The following IQSEC1 variants were observed in gnomAD, a reference collection of about 807,000 sequenced individuals.
IQSEC1 encodes the protein IQ motif and SEC7 domain-containing protein 1.
A neutral mutation model predicts 91.0 loss-of-function variants in IQSEC1; 31 were observed. The observed-to-expected ratio is 0.34, with a 90% CI of 0.26 to 0.46. IQSEC1 has a LOEUF of 0.46. Ranked by LOEUF, IQSEC1 falls within the 20% of genes least tolerant of loss-of-function variation. The pLI, the probability that IQSEC1 is intolerant of heterozygous loss-of-function variation, is 1.00. For synonymous variants in IQSEC1, 699 were observed against 662.6 expected (o/e 1.05, Z -0.84); for missense variants, 1,388 against 1,575.6 (o/e 0.88, Z 2.02).
At chr3:13,204,762 CTTCT>C (rs763046952) in intron 1 of IQSEC1, among the ~76,000 whole-genome samples, 7 of 151,186 alleles carry the variant, frequency 4.6e-5, no homozygotes, top group Non-Finnish European at 7.4e-5. Flanking sequence ...TCCTTCCTTC[CTTCT>C]TTCTTTTTCT....
At chr3:13,266,392 C>G (rs1559289702) in intron 1 of IQSEC1, among the ~76,000 whole-genome samples, 1 of 152,136 alleles carries the variant, frequency 6.6e-6, no homozygotes, top group Non-Finnish European at 1.5e-5. Context: ...TCTAACTAGC[C>G]CAAACGCCAG....
chr3:12,956,831 G>C (rs1040769837), intron 1 of IQSEC1, among the ~76,000 whole-genome samples: 2 of 152,190 alleles, frequency 1.3e-5, no homozygotes, highest in Admixed American at 1.3e-4. Context: ...CCCCAGGCAA[G>C]TGCCCTCCAC....
rs1695815436 is a variant in IQSEC1, at chr3:13,282,574, C to T, written c.272+137G>A. On this transcript the variant is annotated intron_variant, in intron 1 of 15. Transcript: ENST00000648114. The surrounding 1 kb of genome is among the most constrained non-coding windows in gnomAD (Gnocchi z 6.4). Reference sequence around the variant, plus strand: ...TCCCAGGGAGCCCCTGGGGGTCTGGCGGCGGGTGTGGGCGCTCCCGGGCCG... The same window carrying T: ...TCCCAGGGAGCCCCTGGGGGTCTGGTGGCGGGTGTGGGCGCTCCCGGGCCG... Among the ~76,000 whole-genome samples, 3 of 151,762 alleles carry T rather than the reference C, an allele frequency of 2.0e-5. No individual in the cohort carries two copies. The highest frequency in any genetic ancestry group is 4.1e-4 in the South Asian group (2 of 4,824).
intron 1 of IQSEC1, among the ~76,000 whole-genome samples, chr3:13,261,350 C>G (rs567991787): frequency 2.6e-5 from 4 of 152,308 alleles, no homozygotes; most frequent in Non-Finnish European, 4.4e-5. Context: ...CAGAGCCTTC[C>G]CAGCTCCAGA....
intron 3 of IQSEC1, among the ~76,000 whole-genome samples, chr3:12,932,914 A>G (rs1204806429): frequency 6.6e-6 from 1 of 152,104 alleles, no homozygotes; most frequent in African/African-American, 2.4e-5. Flanking sequence ...AGCCCCCGGG[A>G]TGCCCTCCCC....
chr3:13,012,094 C>A (rs1441529802), intron 1 of IQSEC1, among the ~76,000 whole-genome samples: 1 of 152,212 alleles, frequency 6.6e-6, no homozygotes, highest in Non-Finnish European at 1.5e-5. Context: ...TAGGTGTACA[C>A]TAAGTGCTCA....
intron 1 of IQSEC1, among the ~76,000 whole-genome samples, chr3:13,033,312 C>T (rs1198152379): frequency 6.6e-6 from 1 of 152,150 alleles, no homozygotes; most frequent in Admixed American, 6.5e-5. Flanking sequence ...CAGAGGCTTC[C>T]GTAACAAAAC....
chr3:12,969,539 G>T (rs1700794384), intron 1 of IQSEC1, among the ~76,000 whole-genome samples: 1 of 152,204 alleles, frequency 6.6e-6, no homozygotes. Context: ...GCTGGGAGAG[G>T]ATAGGGTACA....
intron 1 of IQSEC1, among the ~76,000 whole-genome samples, chr3:13,024,583 C>T (rs1054484924): frequency 1.3e-5 from 2 of 151,108 alleles, no homozygotes; most frequent in African/African-American, 4.9e-5. Context: ...CATCCATCCA[C>T]CCATCCACCC....
chr3:12,971,859 T>C (rs1700915096), intron 1 of IQSEC1, among the ~76,000 whole-genome samples: 1 of 152,032 alleles, frequency 6.6e-6, no homozygotes, highest in Non-Finnish European at 1.5e-5. Context: ...CCATCTCTAC[T>C]AAAAATACAA....
chr3:13,133,227 C>T lies in IQSEC1; in HGVS notation c.302+30877G>A, dbSNP rs534877021. On this transcript the variant is annotated intron_variant, in intron 2 of 15. Coordinates refer to the IQSEC1 transcript ENST00000648114. ...AAGTGGAAGCAGGAGGACCCTAACTCGTGTTGGTGTAGAATGTCTCCAGCA... is the reference window on the plus strand; with the variant it reads ...AAGTGGAAGCAGGAGGACCCTAACTTGTGTTGGTGTAGAATGTCTCCAGCA... Among the ~76,000 whole-genome samples, 10 of 152,310 alleles carry T rather than the reference C, an allele frequency of 6.6e-5. No homozygotes were observed. In the East Asian group the frequency reaches 1.5e-3, roughly 24 times the overall value.
chr3:13,061,669 G>A (rs1705072492), intron 1 of IQSEC1, among the ~76,000 whole-genome samples: 1 of 152,164 alleles, frequency 6.6e-6, no homozygotes, highest in South Asian at 2.1e-4. Context: ...CCTAAGCCAG[G>A]GATCTGGCTG....
chr3:13,099,338 A>G (rs1706019042), intron 2 of IQSEC1, among the ~76,000 whole-genome samples: 1 of 152,214 alleles, frequency 6.6e-6, no homozygotes, highest in South Asian at 2.1e-4. Flanking sequence ...GGTGTGCAGG[A>G]TTGCATTTTA....
chr3:12,897,984 C>T lies in IQSEC1; in HGVS notation c.*2999G>A, dbSNP rs1425166933. Reference sequence around the variant, plus strand: ...TTGTTGTCCCAGAAAAGACTTTTGTCACATTGCCAGCTGTTTCCCTCAGCG... The same window carrying T: ...TTGTTGTCCCAGAAAAGACTTTTGTTACATTGCCAGCTGTTTCCCTCAGCG... On this transcript the variant is annotated 3_prime_UTR_variant, in exon 14 of 14. Coordinates refer to ENST00000613206, the MANE Select transcript of IQSEC1 (RefSeq NM_001134382.3). 1 of 152,264 alleles carries T rather than the reference C, an allele frequency of 6.6e-6. No individual in the cohort carries two copies. The highest frequency in any genetic ancestry group is 1.5e-5 in the Non-Finnish European group (1 of 68,048). 9.4% of individuals were successfully genotyped at this position (152,264 alleles called of 1,614,324 possible). A position where few individuals can be genotyped will look rare whatever the true frequency, so the allele number is the denominator to read the frequency against.
intron 1 of IQSEC1, among the ~76,000 whole-genome samples, chr3:13,045,035 G>A (rs1211111017): frequency 1.3e-5 from 2 of 152,254 alleles, no homozygotes; most frequent in Non-Finnish European, 2.9e-5. Flanking sequence ...AGGCTGCTGT[G>A]AGGGTTGGGA....
chr3:13,206,656 A>C (rs1470907939), intron 1 of IQSEC1, among the ~76,000 whole-genome samples: 1 of 152,218 alleles, frequency 6.6e-6, no homozygotes, highest in Non-Finnish European at 1.5e-5. Flanking sequence ...ATAACAAAGC[A>C]AACCAGAACA....
chr3:13,090,917 T>C (rs1160594810), intron 2 of IQSEC1, among the ~76,000 whole-genome samples: 3 of 152,314 alleles, frequency 2.0e-5, no homozygotes, highest in African/African-American at 7.2e-5. Context: ...CCAAAAGCCC[T>C]GTGCGGAATT....
intron 1 of IQSEC1, among the ~76,000 whole-genome samples, chr3:13,234,819 A>G (rs572218158): frequency 3.3e-5 from 5 of 152,336 alleles, no homozygotes; most frequent in East Asian, 3.9e-4. Flanking sequence ...TGAGAAATGT[A>G]TGCTACTATT....
intron 1 of IQSEC1, among the ~76,000 whole-genome samples, chr3:13,172,293 G>A (rs1411237591): frequency 6.6e-6 from 1 of 152,210 alleles, no homozygotes; most frequent in African/African-American, 2.4e-5. Flanking sequence ...CCAGGGGTGT[G>A]GGAGCGGGGC....
Sources: gnomAD v4.1 joint callset for allele counts (sites outside exome capture counted in the v4.1 genomes callset) on GRCh38, gnomAD v4.1.1 for gene constraint, Gnocchi (gnomAD v3.1) non-coding constraint, MANE v1.5 for transcripts, NCBI Gene and HGNC (gene_info 2026-07-23, HGNC 2026-07-21) for gene names.